The following MBNL2 variants were observed in gnomAD, a reference collection of about 807,000 sequenced individuals.
MBNL2 encodes the protein muscleblind-like protein 2.
Under a neutral mutation model 41.9 loss-of-function variants are expected in MBNL2, and 17 were observed. The ratio of observed to expected loss-of-function variants is 0.41; its 90% CI spans 0.28 to 0.61. The LOEUF (loss-of-function observed/expected upper bound fraction) is 0.61. Ranked by LOEUF, MBNL2 falls within the 20% of genes least tolerant of loss-of-function variation. The probability of loss-of-function intolerance (pLI) is 0.35; values close to 1 mark genes in which losing one functional copy is unlikely to be tolerated. For missense variants in MBNL2, 336 were observed against 505.6 expected (o/e 0.66, Z 3.22); for synonymous variants, 195 against 182.9 (o/e 1.07, Z -0.53).
chr13:97,381,737 T>C (rs1048233469), intron 8 of MBNL2, among the ~76,000 whole-genome samples: 9 of 151,922 alleles, frequency 5.9e-5, no homozygotes, highest in Non-Finnish European at 1.2e-4. Flanking sequence ...TTTAAAATAT[T>C]CCAGATATAC....
At chr13:97,242,903 G>A (rs981949535) in intron 1 of MBNL2, among the ~76,000 whole-genome samples, 1 of 152,166 alleles carries the variant, frequency 6.6e-6, no homozygotes, top group African/African-American at 2.4e-5. Flanking sequence ...TCTGAAATTG[G>A]TGCTGGTGGA....
At chr13:97,223,637 G>C (rs1280126016) in intron 1 of MBNL2, among the ~76,000 whole-genome samples, 1 of 152,220 alleles carries the variant, frequency 6.6e-6, no homozygotes, top group African/African-American at 2.4e-5. Flanking sequence ...TAAGTGGAAA[G>C]CTATTTGTTA....
intron 1 of MBNL2, among the ~76,000 whole-genome samples, chr13:97,243,170 A>G (rs545279723): frequency 2.8e-4 from 42 of 152,274 alleles, no homozygotes; most frequent in Non-Finnish European, 5.1e-4. Context: ...ACAAAAGACA[A>G]TGTCCCTTGA....
chr13:97,263,893 C>T (rs1456566074), intron 1 of MBNL2, among the ~76,000 whole-genome samples: 1 of 152,086 alleles, frequency 6.6e-6, no homozygotes, highest in African/African-American at 2.4e-5. Flanking sequence ...GCTCGGATTA[C>T]AGGTGTGAGG....
intron 2 of MBNL2, among the ~76,000 whole-genome samples, chr13:97,332,759 G>A (rs996125037): frequency 6.6e-6 from 1 of 152,202 alleles, no homozygotes; most frequent in Non-Finnish European, 1.5e-5. Context: ...ATGAACTTGA[G>A]ACTAAGGAGA....
At chr13:97,167,393 A>G in the MBNL2 span, among the ~76,000 whole-genome samples, 1 of 151,600 alleles carries the variant, frequency 6.6e-6, no homozygotes, top group Non-Finnish European at 1.5e-5. Context: ...TTTATGTAAA[A>G]AAAAAAAAAG....
the MBNL2 span, among the ~76,000 whole-genome samples, chr13:97,211,378 G>A: frequency 3.3e-5 from 5 of 152,296 alleles, no homozygotes; most frequent in South Asian, 2.1e-4. Context: ...TGAGAGAGAC[G>A]AGGGTTGCAG....
At chr13:97,389,669 G>A (rs2066237622) in intron 8 of MBNL2, among the ~76,000 whole-genome samples, 2 of 151,746 alleles carry the variant, frequency 1.3e-5, no homozygotes, top group Non-Finnish European at 2.9e-5. Flanking sequence ...TTACACCACT[G>A]CATTCCTAAC....
chr13:97,352,482 A>G (rs978861569), intron 5 of MBNL2, among the ~76,000 whole-genome samples: 1 of 152,246 alleles, frequency 6.6e-6, no homozygotes, highest in Non-Finnish European at 1.5e-5. Context: ...CAGTGAGTGC[A>G]GCAGTCAGAC....
chr13:97,348,089 T>TG (rs2062060144), intron 5 of MBNL2, among the ~76,000 whole-genome samples: 1 of 150,430 alleles, frequency 6.6e-6, no homozygotes, highest in African/African-American at 2.4e-5. Context: ...TTTTTTTTTT[T>TG]TTTTTTTAAG....
the MBNL2 span, among the ~76,000 whole-genome samples, chr13:97,161,081 C>G: frequency 6.6e-6 from 1 of 152,208 alleles, no homozygotes; most frequent in East Asian, 1.9e-4. Context: ...CTGAGACATA[C>G]TGAAGCCCTT....
chr13:97,188,945 C>T, the MBNL2 span, among the ~76,000 whole-genome samples: 1 of 152,200 alleles, frequency 6.6e-6, no homozygotes, highest in African/African-American at 2.4e-5. Context: ...TCATCTGTCC[C>T]TCTGGGACCC....
intron 2 of MBNL2, among the ~76,000 whole-genome samples, chr13:97,298,630 A>G (rs1019433712): frequency 1.3e-5 from 2 of 152,156 alleles, no homozygotes; most frequent in African/African-American, 4.8e-5. Flanking sequence ...TCCCACAATC[A>G]TTCTCTAGTT....
chr13:97,296,680 G>C (rs2057063133), intron 2 of MBNL2, among the ~76,000 whole-genome samples: 1 of 152,110 alleles, frequency 6.6e-6, no homozygotes, highest in African/African-American at 2.4e-5. Context: ...TTGCAAAAAG[G>C]TGCTTAAAAG....
chr13:97,292,404 C>G (rs1594166613), intron 2 of MBNL2, among the ~76,000 whole-genome samples: 1 of 152,062 alleles, frequency 6.6e-6, no homozygotes, highest in East Asian at 1.9e-4. Flanking sequence ...GCAGACTTCC[C>G]TTGGACTGCT....
intron 1 of MBNL2, among the ~76,000 whole-genome samples, chr13:97,230,504 G>C (rs1424286876): frequency 6.6e-6 from 1 of 152,200 alleles, no homozygotes; most frequent in African/African-American, 2.4e-5. Context: ...AGACACACCT[G>C]TGTTGAAGCC....
At chr13:97,149,860 C>G in the MBNL2 span, among the ~76,000 whole-genome samples, 27 of 152,290 alleles carry the variant, frequency 1.8e-4, no homozygotes, top group Admixed American at 1.8e-3. Flanking sequence ...AGGGCAGATG[C>G]CTCTCCCTCC....
At chr13:97,368,274 C>A (rs1046520350) in intron 8 of MBNL2, among the ~76,000 whole-genome samples, 1 of 151,886 alleles carries the variant, frequency 6.6e-6, no homozygotes, top group Non-Finnish European at 1.5e-5. Context: ...TAGCCAGGCA[C>A]GGGGTGCCAT....
chr13:97,323,601 G>A (rs1447972781), intron 2 of MBNL2, among the ~76,000 whole-genome samples: 1 of 152,136 alleles, frequency 6.6e-6, no homozygotes, highest in African/African-American at 2.4e-5. Context: ...TGTATATCAG[G>A]GACTTGAGCA....
Sources: gnomAD v4.1 joint callset for allele counts (sites outside exome capture counted in the v4.1 genomes callset) on GRCh38, gnomAD v4.1.1 for gene constraint, MANE v1.5 for transcripts, NCBI Gene and HGNC (gene_info 2026-07-23, HGNC 2026-07-21) for gene names.